GPAM: variants seen among roughly 807,000 people sequenced by gnomAD.
GPAM encodes glycerol-3-phosphate acyltransferase 1, mitochondrial.
Under a neutral mutation model 105.0 loss-of-function variants are expected in GPAM, and 56 were observed. That is an observed-to-expected ratio of 0.53 (90% confidence interval 0.43 to 0.67). GPAM has a LOEUF of 0.67. Ranked by LOEUF, GPAM falls within the 30% of genes least tolerant of loss-of-function variation. GPAM has a pLI of 0.00. For synonymous variants in GPAM, 368 were observed against 354.4 expected, an observed-to-expected ratio of 1.04 and a Z score of -0.43; for missense variants, 855 against 989.8, an observed-to-expected ratio of 0.86 and a Z score of 1.83.
At chr10:112,215,361 C>G (rs1472199497) in exon 1 of GPAM, 2 of 152,230 alleles carry the variant, frequency 1.3e-5, no homozygotes, top group Admixed American at 1.3e-4. Flanking sequence ...AGAGTCCCCC[C>G]GCAGCAGCAA....
upstream of GPAM, among the ~76,000 whole-genome samples, chr10:112,219,478 C>T (rs557864906): frequency 2.6e-4 from 39 of 152,336 alleles, no homozygotes; most frequent in Non-Finnish European, 4.9e-4. Context: ...ATCCTGCCAA[C>T]TTCATTTGAT....
intron 1 of GPAM, among the ~76,000 whole-genome samples, chr10:112,211,014 C>T (rs982715432): frequency 6.6e-6 from 1 of 152,214 alleles, no homozygotes; most frequent in East Asian, 1.9e-4. Flanking sequence ...ACTGCCCAGG[C>T]AGGACGTGCA....
the GPAM span, among the ~76,000 whole-genome samples, chr10:112,223,240 C>A: frequency 2.0e-5 from 3 of 152,156 alleles, no homozygotes; most frequent in South Asian, 6.2e-4. Context: ...ATAAACACCT[C>A]CCCCAATAAA....
chr10:112,170,156 T>C (rs1847288580), intron 9 of GPAM, among the ~76,000 whole-genome samples: 2 of 152,200 alleles, frequency 1.3e-5, no homozygotes, highest in African/African-American at 2.4e-5. Flanking sequence ...TTGTCTTCCA[T>C]GAAACTGGTC....
chr10:112,164,652 G>T (rs774532378), intron 12 of GPAM, 42 bp from the exon 13 acceptor site: 1 of 995,074 alleles, frequency 1.0e-6, no homozygotes, highest in Non-Finnish European at 1.6e-6. Context: ...CCTCACTTTC[G>T]CACCAACATA....
At chr10:112,173,626 T>A in intron 7 of GPAM, 73 bp downstream of exon 7, 1 of 1,376,954 alleles carries the variant, frequency 7.3e-7, no homozygotes, top group Non-Finnish European at 1.0e-6. Flanking sequence ...GCTAGGAAAG[T>A]TCAATAATTC....
chr10:112,153,437 C>T lies in GPAM; in HGVS notation c.*113G>A, dbSNP rs554838657. 2.6e-5 allele frequency: 41 copies of T among 1,597,588 alleles called. No individual in the cohort carries two copies. Among genetic ancestry groups the T allele is most frequent in the South Asian group, 1.0e-4 (9 of 90,136 alleles). On this transcript the variant is annotated 3_prime_UTR_variant, in exon 22 of 22. Transcript: ENST00000348367. ...GCACTTGTCTTCCAGGAGATCACTTCGGGACAGGGCAGGCCTGACCCTGCG... is the reference window on the plus strand; with the variant it reads ...GCACTTGTCTTCCAGGAGATCACTTTGGGACAGGGCAGGCCTGACCCTGCG...
intron 9 of GPAM, among the ~76,000 whole-genome samples, chr10:112,171,360 A>T (rs1847310069): frequency 6.6e-6 from 1 of 152,174 alleles, no homozygotes; most frequent in Non-Finnish European, 1.5e-5. Flanking sequence ...ACAATACTAC[A>T]ATTTAAACCT....
At position 112,150,643 on chromosome 10, in the gene GPAM, C is replaced by T; in HGVS notation, c.*2907G>A. ...AAGTATCCCAAAGGAGAAAAAGGTCCTGGTGTCAAAATAGTTTGGGCAATG... is the reference window on the plus strand; with the variant it reads ...AAGTATCCCAAAGGAGAAAAAGGTCTTGGTGTCAAAATAGTTTGGGCAATG... On this transcript the variant is annotated 3_prime_UTR_variant, in exon 22 of 22. Coordinates refer to ENST00000348367, the MANE Select transcript of GPAM (RefSeq NM_001244949.2). 1.1e-6 allele frequency: 1 copy of T among 910,634 alleles called. No homozygotes were observed. The highest frequency in any genetic ancestry group is 1.3e-6 in the Non-Finnish European group (1 of 761,764). 56.4% of individuals were successfully genotyped at this position (910,634 alleles called of 1,614,324 possible). A position where few individuals can be genotyped will look rare whatever the true frequency, so the allele number is the denominator to read the frequency against.
chr10:112,164,421 G>A, intron 13 of GPAM, 104 bp downstream of exon 13: 1 of 723,062 alleles, frequency 1.4e-6, no homozygotes, highest in Non-Finnish European at 2.5e-6. Flanking sequence ...CTTAAGAAGT[G>A]AAAATAAGAA....
At chr10:112,179,091 C>T (rs772969507) in intron 4 of GPAM, among the ~76,000 whole-genome samples, 1 of 152,090 alleles carries the variant, frequency 6.6e-6, no homozygotes, top group Non-Finnish European at 1.5e-5. Context: ...AAGGAAAATA[C>T]GATTTCAGAG....
chr10:112,180,556 T>C lies in GPAM; in HGVS notation c.142A>G (p.Thr48Ala), dbSNP rs1005999443. ...GFRPTIFRSA[T>A]LKWKESLMSR... is the part of the protein sequence containing the mutation. ...ATTAGGCTTTCTTTCCATTTTAAAG[T>C]TGCAGATCTGAAGATGGTGGGTCTA... Residue 48 changes from threonine (T) to alanine (A), a missense_variant, in exon 4 of 22, where the codon ACT becomes GCT. By Grantham distance (58) the Thr-to-Ala change is moderately conservative (BLOSUM62 0). Transcript: ENST00000348367. The C allele has an allele frequency of 6.2e-7, 1 of 1,612,172 alleles. No homozygotes were observed. The highest frequency in any genetic ancestry group is 8.5e-7 in the Non-Finnish European group (1 of 1,178,368).
At chr10:112,216,812 C>T (rs186306909), upstream of GPAM, among the ~76,000 whole-genome samples, 31 of 151,746 alleles carry the variant, frequency 2.0e-4, no homozygotes, top group East Asian at 3.9e-3. Context: ...TTACTAGAGA[C>T]GGGGTTTTAC....
In GPAM at chr10:112,173,830, A is replaced by T. The variant is rs1393675573; in HGVS notation, c.429T>A (p.Ile143=). 1.2e-6 allele frequency: 2 copies of T among 1,612,306 alleles called. No individual in the cohort carries two copies. The highest frequency in any genetic ancestry group is 1.3e-5 in the African/African-American group (1 of 74,890). Residue 143 remains isoleucine, a synonymous_variant, in exon 7 of 22, where the codon ATT becomes ATA. Transcript: ENST00000348367. ...GGTTTAATTCAGCAGCCACTTCTGC[A>T]ATTGCCTCTTGTACTCTGGTATGAA... The part of the protein sequence containing the change: ...VLNSSRVQEA[I]AEVAAELNPD...
chr10:112,190,781 A>G (rs1847648525), intron 1 of GPAM, among the ~76,000 whole-genome samples: 1 of 152,180 alleles, frequency 6.6e-6, no homozygotes, highest in Non-Finnish European at 1.5e-5. Flanking sequence ...CATACTTCAG[A>G]ACTGAATAAT....
upstream of GPAM, chr10:112,183,786 G>T (rs960945272): frequency 6.6e-6 from 1 of 152,274 alleles, no homozygotes; most frequent in Non-Finnish European, 1.5e-5. Context: ...CGCAACCGGC[G>T]CGTGGCATTG....
intron 5 of GPAM, among the ~76,000 whole-genome samples, chr10:112,177,724 T>C (rs1215334735): frequency 6.6e-6 from 1 of 152,234 alleles, no homozygotes; most frequent in Non-Finnish European, 1.5e-5. Flanking sequence ...ATACTTCATA[T>C]GCAAATCAAT....
intron 1 of GPAM, among the ~76,000 whole-genome samples, chr10:112,202,857 G>A (rs1470967996): frequency 6.6e-6 from 1 of 152,174 alleles, no homozygotes; most frequent in East Asian, 1.9e-4. Flanking sequence ...ATCTCATTTG[G>A]AAAGGTGAAC....
Position 112,150,415 on chromosome 10 carries a change from C to T in GPAM, c.*3135G>A, listed in dbSNP as rs920184056. 1 of 985,676 alleles carries T rather than the reference C, an allele frequency of 1.0e-6. No homozygotes were observed. The highest frequency in any genetic ancestry group is 1.7e-5 in the African/African-American group (1 of 57,216). 61.1% of individuals were successfully genotyped at this position (985,676 alleles called of 1,614,324 possible). A position where few individuals can be genotyped will look rare whatever the true frequency, so the allele number is the denominator to read the frequency against. On this transcript the variant is annotated 3_prime_UTR_variant, in exon 22 of 22. Coordinates refer to ENST00000348367, the MANE Select transcript of GPAM (RefSeq NM_001244949.2). ...GTTCTCTCTATCAAAGGAAAGAGCT[C>T]CGATCACCTACATTATAATTTTCTG... is the stretch of plus-strand genomic sequence containing the variant.
Sources: gnomAD v4.1 joint callset for allele counts (sites outside exome capture counted in the v4.1 genomes callset) on GRCh38, gnomAD v4.1.1 for gene constraint, MANE v1.5 for transcripts, NCBI Gene and HGNC (gene_info 2026-07-23, HGNC 2026-07-21) for gene names.